The following COLEC12 variants were observed in gnomAD, a reference collection of about 807,000 sequenced individuals.
The protein encoded by COLEC12 is collectin-12.
COLEC12 carries 33 observed loss-of-function variants against 71.1 expected under a neutral mutation model. That is an observed-to-expected ratio of 0.46 (90% CI 0.35 to 0.62). The LOEUF is 0.62. Among genes scored for constraint, COLEC12 ranks in the 20% least tolerant of loss-of-function variants. The pLI, the probability that COLEC12 is intolerant of heterozygous loss-of-function variation, is 0.00. For synonymous variants in COLEC12, 350 were observed against 353.0 expected (o/e 0.99, Z 0.10); for missense variants, 765 against 916.1 (o/e 0.84, Z 2.13).
intron 8 of COLEC12, among the ~76,000 whole-genome samples, chr18:330,995 T>C: frequency 6.6e-6 from 1 of 151,318 alleles, no homozygotes. Context: ...TTCTTCTGCC[T>C]CAGCCTCCCG....
At chr18:335,895 CT>C (rs2143443266) in intron 5 of COLEC12, among the ~76,000 whole-genome samples, 1 of 152,290 alleles carries the variant, frequency 6.6e-6, no homozygotes, top group East Asian at 1.9e-4. Context: ...CAGCCAGGGG[CT>C]TATTCTTCAC....
chr18:448,211 C>T (rs1916690485), intron 2 of COLEC12, among the ~76,000 whole-genome samples: 1 of 152,312 alleles, frequency 6.6e-6, no homozygotes, highest in African/African-American at 2.4e-5. Context: ...TTGTCATCAT[C>T]GTGGGATAAA....
At chr18:431,506 CT>C (rs1253013674) in intron 2 of COLEC12, among the ~76,000 whole-genome samples, 1 of 152,134 alleles carries the variant, frequency 6.6e-6, no homozygotes, top group Non-Finnish European at 1.5e-5. Context: ...AACCTATAGA[CT>C]GCGGAGGTGG....
intron 5 of COLEC12, among the ~76,000 whole-genome samples, chr18:338,096 C>T (rs1420497069): frequency 7.2e-5 from 11 of 152,186 alleles, no homozygotes; most frequent in African/African-American, 2.4e-4. Flanking sequence ...AACCTAGTCT[C>T]GCCTGTGTTT....
intron 2 of COLEC12, among the ~76,000 whole-genome samples, chr18:420,289 T>C (rs1236455329): frequency 6.6e-6 from 1 of 152,138 alleles, no homozygotes; most frequent in African/African-American, 2.4e-5. Flanking sequence ...AACACGTGTA[T>C]CACTAAAATG....
rs11336256 is a variant in COLEC12, at chr18:319,512, CA to C, written c.*532del. The C allele has an allele frequency of 0.32, 28,585 of 88,618 alleles. 2,846 individuals carry two copies. Among genetic ancestry groups the C allele is most frequent in the Admixed American group, 0.41 (3,886 of 9,536 alleles). 5.5% of individuals were successfully genotyped at this position (88,618 alleles called of 1,614,324 possible). On this transcript the variant is annotated 3_prime_UTR_variant, in exon 10 of 10. Transcript: ENST00000400256. ...TCCATGTATTATGTCGGTAAAATGA[CA>C]AAAAAAAAAAAAGGAAAAAAATTGT...
chr18:464,618 CT>C (rs1406456547), intron 2 of COLEC12, among the ~76,000 whole-genome samples: 5 of 152,172 alleles, frequency 3.3e-5, no homozygotes, highest in African/African-American at 4.8e-5. Context: ...CCTCTATTTC[CT>C]TTCAAGCATT....
At chr18:432,823 C>A (rs1387813196) in intron 2 of COLEC12, among the ~76,000 whole-genome samples, 1 of 152,212 alleles carries the variant, frequency 6.6e-6, no homozygotes, top group Non-Finnish European at 1.5e-5. Flanking sequence ...CCCAAGCAAA[C>A]CTTTCAAGGT....
chr18:330,353 CAGCCCCA>C (rs1382783746), intron 8 of COLEC12, among the ~76,000 whole-genome samples: 1 of 152,136 alleles, frequency 6.6e-6, no homozygotes, highest in Non-Finnish European at 1.5e-5. Flanking sequence ...TCTCCTGGGA[CAGCCCCA>C]GAGGCCACAC....
At chr18:455,371 G>A (rs543481375) in intron 2 of COLEC12, among the ~76,000 whole-genome samples, 4 of 148,916 alleles carry the variant, frequency 2.7e-5, no homozygotes, top group Non-Finnish European at 4.4e-5. Flanking sequence ...TCCGCCTCCC[G>A]GGTTCATGCC....
intron 5 of COLEC12, among the ~76,000 whole-genome samples, chr18:336,277 G>A (rs909115993): frequency 2.6e-5 from 4 of 152,106 alleles, no homozygotes; most frequent in African/African-American, 9.7e-5. Context: ...GTCTCTGTGG[G>A]AAAGCCTGGT....
intron 5 of COLEC12, among the ~76,000 whole-genome samples, chr18:340,295 T>C (rs1914221159): frequency 6.6e-6 from 1 of 152,080 alleles, no homozygotes; most frequent in African/African-American, 2.4e-5. Context: ...AATGCCAGGA[T>C]ACCCACGCGG....
chr18:351,779 C>A (rs940806698), intron 3 of COLEC12, among the ~76,000 whole-genome samples: 9 of 152,126 alleles, frequency 5.9e-5, no homozygotes, highest in African/African-American at 2.2e-4. Flanking sequence ...TACATGTGCA[C>A]AACGTGCAGG....
At chr18:421,669 G>T (rs1184872513) in intron 2 of COLEC12, among the ~76,000 whole-genome samples, 1 of 152,080 alleles carries the variant, frequency 6.6e-6, no homozygotes, top group African/African-American at 2.4e-5. Context: ...AAAGGACTCT[G>T]CCACCCAGAC....
intron 8 of COLEC12, among the ~76,000 whole-genome samples, chr18:329,879 A>G (rs1370040902): frequency 1.3e-5 from 2 of 152,156 alleles, no homozygotes; most frequent in Non-Finnish European, 2.9e-5. Context: ...GGAGTTTGAG[A>G]CCAACCAGAG....
intron 8 of COLEC12, among the ~76,000 whole-genome samples, chr18:325,384 TG>T (rs896783271): frequency 6.6e-6 from 1 of 152,008 alleles, no homozygotes; most frequent in Non-Finnish European, 1.5e-5. Context: ...CTAGTGCGTT[TG>T]GGGAGATTCT....
chr18:373,026 G>A (rs1311480690), intron 2 of COLEC12, among the ~76,000 whole-genome samples: 1 of 152,200 alleles, frequency 6.6e-6, no homozygotes, highest in Non-Finnish European at 1.5e-5. Flanking sequence ...ACAGACTACA[G>A]CTGCCTGTGA....
At chr18:342,007 T>A (rs1914264252) in intron 5 of COLEC12, among the ~76,000 whole-genome samples, 1 of 152,234 alleles carries the variant, frequency 6.6e-6, no homozygotes, top group Admixed American at 6.5e-5. Flanking sequence ...TCTGTGTACA[T>A]AATTAGAATA....
At chr18:373,269 T>C (rs996808775) in intron 2 of COLEC12, among the ~76,000 whole-genome samples, 1 of 152,226 alleles carries the variant, frequency 6.6e-6, no homozygotes, top group Non-Finnish European at 1.5e-5. Flanking sequence ...CTGACAGTCA[T>C]ACGGTTATCC....
Sources: allele counts gnomAD v4.1 joint callset (sites outside exome capture counted in the v4.1 genomes callset), GRCh38; gene constraint gnomAD v4.1.1; transcripts MANE v1.5; gene names NCBI Gene and HGNC (gene_info 2026-07-23, HGNC 2026-07-21).